MAP3K5: variants seen among roughly 807,000 people sequenced by gnomAD.
MAP3K5 encodes the protein ASK-1.
Under a neutral mutation model 158.7 loss-of-function variants are expected in MAP3K5, and 56 were observed. The ratio of observed to expected loss-of-function variants is 0.35; its 90% CI spans 0.28 to 0.44. MAP3K5 has a LOEUF of 0.44. MAP3K5 is among the 20% of genes least tolerant of loss of function. The pLI is 1.00. For synonymous variants in MAP3K5, 579 were observed against 601.7 expected (o/e 0.96, Z 0.55); for missense variants, 1,294 against 1,674.8 (o/e 0.77, Z 3.97).
At chr6:136,747,422 G>T (rs1266248225) in intron 1 of MAP3K5, among the ~76,000 whole-genome samples, 1 of 152,120 alleles carries the variant, frequency 6.6e-6, no homozygotes, top group Admixed American at 6.6e-5. Flanking sequence ...AATGTACAGG[G>T]AGCCAATGCC....
chr6:136,730,721 CAAAAAAAAA>C (rs377188561), intron 1 of MAP3K5, among the ~76,000 whole-genome samples: 3 of 87,350 alleles, frequency 3.4e-5, no homozygotes, highest in African/African-American at 6.1e-5. Context: ...AACTCTGCCT[CAAAAAAAAA>C]AAAAAAAAAA....
chr6:136,681,854 G>T (rs1779952479), intron 7 of MAP3K5, among the ~76,000 whole-genome samples: 1 of 152,206 alleles, frequency 6.6e-6, no homozygotes, highest in Admixed American at 6.5e-5. Context: ...GGGAGGCAGA[G>T]CTTGCAGTGA....
intron 24 of MAP3K5, 61 bp downstream of exon 24, chr6:136,583,494 T>C (rs1315795185): frequency 3.5e-6 from 5 of 1,414,388 alleles, no homozygotes; most frequent in African/African-American, 1.4e-5. Context: ...ACTTATGTTT[T>C]ATCTTATTTT....
At chr6:136,693,695 G>A (rs1421991097) in intron 7 of MAP3K5, among the ~76,000 whole-genome samples, 1 of 151,818 alleles carries the variant, frequency 6.6e-6, no homozygotes, top group East Asian at 1.9e-4. Context: ...ATTTACTAAA[G>A]TTATAAACTC....
At chr6:136,698,372 C>T (rs999717258) in intron 4 of MAP3K5, 117 bp downstream of exon 4, 8 of 745,666 alleles carry the variant, frequency 1.1e-5, no homozygotes, top group Non-Finnish European at 1.7e-5. Flanking sequence ...TAAACATTTT[C>T]CCCCTAGTTC....
Position 136,727,736 on chromosome 6 carries a change from G to T in MAP3K5, c.449-7147C>A, listed in dbSNP as rs576424644. On this transcript the variant is annotated intron_variant, in intron 1 of 29. Coordinates refer to ENST00000359015, the MANE Select transcript of MAP3K5 (RefSeq NM_005923.4). Reference sequence around the variant, plus strand: ...AGCACTTTGGGAGGCCAAGGCGGGCGGACCACAAGGTCAGGAGATCGAGAC... The same window carrying T: ...AGCACTTTGGGAGGCCAAGGCGGGCTGACCACAAGGTCAGGAGATCGAGAC... 2.6e-5 allele frequency among the ~76,000 whole-genome samples: 4 copies of T among 152,234 alleles called. No homozygotes were observed. In the East Asian group the frequency reaches 7.7e-4, roughly 29 times the overall value.
chr6:136,637,367 C>G lies in MAP3K5; in HGVS notation c.1974G>C (p.Gly658=). 6.2e-7 allele frequency: 1 copy of G among 1,612,652 alleles called. No individual in the cohort carries two copies. The highest frequency in any genetic ancestry group is 8.5e-7 in the Non-Finnish European group (1 of 1,178,674). ...CACAGTCTCCTTCCTCTGTGCTTCT[C>G]CCCTTCTCTTCGGTAATGGTGTTCA... ...EMVNTITEEK[G]RSTEEGDCES... The change falls in exon 14 of 30, where the codon GGG becomes GGC. Residue 658 remains glycine, a synonymous_variant. Coordinates refer to ENST00000359015, the MANE Select transcript of MAP3K5 (RefSeq NM_005923.4).
intron 3 of MAP3K5, 56 bp downstream of exon 3, chr6:136,705,054 A>T: frequency 1.2e-6 from 1 of 811,932 alleles, no homozygotes; most frequent in Non-Finnish European, 2.0e-6. Flanking sequence ...ACCAAAGATT[A>T]GTTAATGGAA....
chr6:136,754,980 T>C (rs1783409378), intron 1 of MAP3K5, among the ~76,000 whole-genome samples: 1 of 152,128 alleles, frequency 6.6e-6, no homozygotes, highest in African/African-American at 2.4e-5. Context: ...CACTGAATCA[T>C]GAAGTCCCAT....
In MAP3K5 at chr6:136,558,837, A is replaced by G. The variant is rs762049641; in HGVS notation, c.4027T>C (p.Tyr1343His). Residue 1343 changes from tyrosine to histidine, a missense_variant, in exon 29 of 30, where the codon TAT becomes CAT. Physicochemically the swap from Tyr to His is moderately conservative, Grantham distance 83. Coordinates refer to ENST00000359015, the MANE Select transcript of MAP3K5 (RefSeq NM_005923.4). ...CATTTTAAGTCATCACGTGTAACAT[A>G]GTAGAGAACATCCAATAGTGTATAA... ...EDYTLLDVLY[Y>H]VTRDDLKCLR... 1.2e-6 allele frequency: 2 copies of G among 1,604,876 alleles called. No homozygotes were observed. Among genetic ancestry groups the G allele is most frequent in the Non-Finnish European group, 8.5e-7 (1 of 1,172,060 alleles).
chr6:136,661,496 A>C (rs1779004519), intron 8 of MAP3K5, among the ~76,000 whole-genome samples: 1 of 152,166 alleles, frequency 6.6e-6, no homozygotes, highest in Non-Finnish European at 1.5e-5. Context: ...TCTGGGCTCA[A>C]GTGATCCTTC....
chr6:136,776,122 T>C (rs1582684871), intron 1 of MAP3K5, among the ~76,000 whole-genome samples: 1 of 152,278 alleles, frequency 6.6e-6, no homozygotes, highest in South Asian at 2.1e-4. Context: ...AAAATGTCTC[T>C]TCAGGTAAAC....
chr6:136,605,416 G>C, intron 18 of MAP3K5, 50 bp from the exon 19 acceptor site: 1 of 1,485,812 alleles, frequency 6.7e-7, no homozygotes, highest in Non-Finnish European at 9.1e-7. Context: ...AAACAGAAGG[G>C]TATCTAATGA....
At chr6:136,709,954 C>T (rs1193656810) in intron 2 of MAP3K5, among the ~76,000 whole-genome samples, 3 of 152,126 alleles carry the variant, frequency 2.0e-5, no homozygotes, top group Non-Finnish European at 4.4e-5. Flanking sequence ...AAAAATCATT[C>T]GTGTAACATC....
chr6:136,775,924 A>G (rs1784387344), intron 1 of MAP3K5, among the ~76,000 whole-genome samples: 1 of 152,232 alleles, frequency 6.6e-6, no homozygotes, highest in African/African-American at 2.4e-5. Flanking sequence ...GCAAACAGGT[A>G]ATGATAAGAA....
At chr6:136,614,397 C>G in intron 15 of MAP3K5, 111 bp from the exon 16 acceptor site, 2 of 1,188,030 alleles carry the variant, frequency 1.7e-6, no homozygotes, top group South Asian at 2.9e-5. Context: ...TATGTAAAAC[C>G]AAAACAACCA....
rs569013024 is a variant in MAP3K5, at chr6:136,564,591, G to A, written c.3762-1976C>T. Among the ~76,000 whole-genome samples, 15 of 152,288 alleles carry A rather than the reference G, an allele frequency of 9.8e-5. No homozygotes were observed. The South Asian group carries it at 2.7e-3, about 27-fold the overall frequency. ...TTTTGTCCTACTTGCTAATTTATACGTATAAGACAGTGATGGTATCTTCTT... is the reference window on the plus strand; with the variant it reads ...TTTTGTCCTACTTGCTAATTTATACATATAAGACAGTGATGGTATCTTCTT... On this transcript the variant is annotated intron_variant, in intron 26 of 29. Coordinates refer to ENST00000359015, the MANE Select transcript of MAP3K5 (RefSeq NM_005923.4).
chr6:136,621,560 G>C (rs940580004), intron 15 of MAP3K5, among the ~76,000 whole-genome samples: 1 of 152,158 alleles, frequency 6.6e-6, no homozygotes, highest in Non-Finnish European at 1.5e-5. Context: ...AAGCAGTCAG[G>C]GAGGGGAAGA....
At chr6:136,726,435 A>C (rs1781969292) in intron 1 of MAP3K5, among the ~76,000 whole-genome samples, 1 of 152,292 alleles carries the variant, frequency 6.6e-6, no homozygotes, top group South Asian at 2.1e-4. Context: ...TCTACTAAAA[A>C]TACAAAAATT....
Sources: gnomAD v4.1 joint callset for allele counts (sites outside exome capture counted in the v4.1 genomes callset) on GRCh38, gnomAD v4.1.1 for gene constraint, MANE v1.5 for transcripts, NCBI Gene and HGNC (gene_info 2026-07-23, HGNC 2026-07-21) for gene names.